The following GABRB1 variants were observed in gnomAD, a reference collection of about 807,000 sequenced individuals.
GABRB1 encodes the protein gamma-aminobutyric acid receptor subunit beta-1.
In GABRB1, 17 loss-of-function variants were observed where a neutral mutation model predicts 51.6. That is an observed-to-expected ratio of 0.33 (90% CI 0.23 to 0.49). The LOEUF is 0.49. Ranked by LOEUF, GABRB1 falls within the 20% of genes least tolerant of loss-of-function variation. The pLI is 0.99. For missense variants in GABRB1, 410 were observed against 600.6 expected (o/e 0.68, Z 3.32); for synonymous variants, 247 against 218.9 (o/e 1.13, Z -1.14).
rs570750091 is a variant in GABRB1, at chr4:47,199,034, G to A, written c.461+37565G>A. Reference sequence around the variant, plus strand: ...TCCCACCAGGCCCTTTCCTGGACTTGTGGGGATTACAATTCAAGATGAGAT... The same window carrying A: ...TCCCACCAGGCCCTTTCCTGGACTTATGGGGATTACAATTCAAGATGAGAT... On this transcript the variant is annotated intron_variant, in intron 4 of 8. Coordinates refer to ENST00000295454, the MANE Select transcript of GABRB1 (RefSeq NM_000812.4). 2.0e-5 allele frequency among the ~76,000 whole-genome samples: 3 copies of A among 152,260 alleles called. No individual in the cohort carries two copies. In the South Asian group the frequency reaches 6.2e-4, roughly 32 times the overall value.
intron 3 of GABRB1, among the ~76,000 whole-genome samples, chr4:47,111,361 C>T (rs1476332236): frequency 1.3e-5 from 2 of 151,872 alleles, no homozygotes; most frequent in African/African-American, 4.8e-5. Context: ...GCAAGTAACA[C>T]AAGCACATAC....
At chr4:47,145,938 T>C (rs577252051) in intron 3 of GABRB1, among the ~76,000 whole-genome samples, 4 of 152,166 alleles carry the variant, frequency 2.6e-5, no homozygotes, top group South Asian at 2.1e-4. Flanking sequence ...ACAGCCTTTT[T>C]TTTCTTCTTA....
At chr4:47,210,525 A>C (rs1238764716) in intron 4 of GABRB1, among the ~76,000 whole-genome samples, 1 of 152,142 alleles carries the variant, frequency 6.6e-6, no homozygotes, top group Non-Finnish European at 1.5e-5. Flanking sequence ...TTTCCCCTGC[A>C]TTATTTTTGT....
At chr4:47,241,986 G>A (rs1169989203) in intron 4 of GABRB1, among the ~76,000 whole-genome samples, 5 of 151,800 alleles carry the variant, frequency 3.3e-5, no homozygotes, top group South Asian at 4.2e-4. Flanking sequence ...TGCTGTACCC[G>A]TTAACTGGTC....
chr4:47,103,445 G>A (rs1165807734), intron 3 of GABRB1, among the ~76,000 whole-genome samples: 1 of 151,856 alleles, frequency 6.6e-6, no homozygotes, highest in Non-Finnish European at 1.5e-5. Flanking sequence ...AACACTTTTT[G>A]TGTAAAAACT....
At chr4:46,997,091 C>A (rs1724022400) in intron 1 of GABRB1, among the ~76,000 whole-genome samples, 1 of 152,058 alleles carries the variant, frequency 6.6e-6, no homozygotes, top group Non-Finnish European at 1.5e-5. Flanking sequence ...TTAGTTAATG[C>A]CTTTTCTCAT....
At chr4:47,309,706 A>C (rs549748860) in intron 4 of GABRB1, among the ~76,000 whole-genome samples, 180 of 152,146 alleles carry the variant, frequency 1.2e-3, no homozygotes, top group Non-Finnish European at 2.3e-3. Context: ...TAGCAAATGA[A>C]ATTGCTACAT....
chr4:47,121,047 A>T (rs946188763), intron 3 of GABRB1, among the ~76,000 whole-genome samples: 2 of 152,156 alleles, frequency 1.3e-5, no homozygotes, highest in East Asian at 3.9e-4. Context: ...AGTTGCAGTC[A>T]TTGTAACTTA....
chr4:47,306,643 A>T (rs1724483103), intron 4 of GABRB1, among the ~76,000 whole-genome samples: 1 of 152,146 alleles, frequency 6.6e-6, no homozygotes, highest in African/African-American at 2.4e-5. Context: ...ACATTTTTAA[A>T]AATTTGCTAC....
chr4:47,086,595 C>A (rs1728087411), intron 3 of GABRB1, among the ~76,000 whole-genome samples: 1 of 152,130 alleles, frequency 6.6e-6, no homozygotes, highest in Admixed American at 6.6e-5. Context: ...ATTAAAGTAT[C>A]AATAGTAGGC....
At chr4:47,068,837 A>G (rs906934519) in intron 3 of GABRB1, among the ~76,000 whole-genome samples, 3 of 152,232 alleles carry the variant, frequency 2.0e-5, no homozygotes, top group African/African-American at 7.2e-5. Flanking sequence ...AATGGCACCA[A>G]TAACTTGCTC....
chr4:47,404,489 G>GCACACACACACACACA (rs56335154), intron 7 of GABRB1, among the ~76,000 whole-genome samples: 3 of 145,550 alleles, frequency 2.1e-5, no homozygotes, highest in South Asian at 4.5e-4. Context: ...ACACACGCAT[G>GCACACACACACACACA]CACACACACA....
At position 47,231,432 on chromosome 4, in the gene GABRB1, G is replaced by A. The variant is rs150400073; in HGVS notation, c.461+69963G>A. Among the ~76,000 whole-genome samples, 45 of 152,188 alleles carry A rather than the reference G, an allele frequency of 3.0e-4. No individual in the cohort carries two copies. In the East Asian group the frequency reaches 8.1e-3, roughly 27 times the overall value. Reference sequence around the variant, plus strand: ...CCATGTTATAGTTTCCAATGATCCTGAAATCCATGGCTCAATCACTAAAAG... The same window carrying A: ...CCATGTTATAGTTTCCAATGATCCTAAAATCCATGGCTCAATCACTAAAAG... On this transcript the variant is annotated intron_variant, in intron 4 of 8. Transcript: ENST00000295454.
At chr4:47,334,118 T>C (rs1725603415) in intron 5 of GABRB1, among the ~76,000 whole-genome samples, 1 of 152,190 alleles carries the variant, frequency 6.6e-6, no homozygotes, top group South Asian at 2.1e-4. Flanking sequence ...TCTGAGTTAG[T>C]GAGCCTGAGC....
intron 3 of GABRB1, among the ~76,000 whole-genome samples, chr4:47,090,745 G>A (rs1728257763): frequency 6.6e-6 from 1 of 152,176 alleles, no homozygotes; most frequent in African/African-American, 2.4e-5. Context: ...AGTGTCGATG[G>A]ACTAGAGAGT....
intron 5 of GABRB1, among the ~76,000 whole-genome samples, chr4:47,402,824 A>G (rs187524974): frequency 1.5e-3 from 232 of 152,332 alleles, no homozygotes; most frequent in African/African-American, 5.2e-3. Flanking sequence ...TCTAAAAGAA[A>G]TATGTAGTTT....
Position 47,426,046 on chromosome 4 carries a change from T to C in GABRB1, c.*28T>C. On this transcript the variant is annotated 3_prime_UTR_variant, in exon 9 of 9. Transcript: ENST00000295454. ...TCTGTTCTAATGGTTCCATTTAGACTACTTTCCTCTTCTATTGTTTTTTAA... is the reference window on the plus strand; with the variant it reads ...TCTGTTCTAATGGTTCCATTTAGACCACTTTCCTCTTCTATTGTTTTTTAA... 4.0e-6 allele frequency: 6 copies of C among 1,489,352 alleles called. No individual in the cohort carries two copies. Among genetic ancestry groups the C allele is most frequent in the Non-Finnish European group, 5.4e-6 (6 of 1,106,362 alleles). The allele number at this position is 1,489,352 out of a possible 1,614,324, so 92.3% of individuals were successfully genotyped here.
intron 3 of GABRB1, among the ~76,000 whole-genome samples, chr4:47,113,849 A>T (rs931904016): frequency 6.6e-6 from 1 of 152,216 alleles, no homozygotes; most frequent in Non-Finnish European, 1.5e-5. Context: ...TTCTGTTTTC[A>T]ATTTATTCTC....
At chr4:47,357,231 G>A (rs1380378184) in intron 5 of GABRB1, among the ~76,000 whole-genome samples, 1 of 152,176 alleles carries the variant, frequency 6.6e-6, no homozygotes, top group African/African-American at 2.4e-5. Flanking sequence ...ATACAAAAAA[G>A]TTAGGGCGAT....
Sources: allele counts gnomAD v4.1 joint callset (sites outside exome capture counted in the v4.1 genomes callset), GRCh38; gene constraint gnomAD v4.1.1; transcripts MANE v1.5; gene names NCBI Gene and HGNC (gene_info 2026-07-23, HGNC 2026-07-21).